Variants in TRIO observed in about 807,000 individuals in gnomAD.
TRIO encodes the protein trio Rho guanine nucleotide exchange factor, also known as triple functional domain protein.
Under a neutral mutation model 351.9 loss-of-function variants are expected in TRIO, and 58 were observed. The observed-to-expected ratio is 0.16, with a 90% CI of 0.13 to 0.21. The LOEUF (loss-of-function observed/expected upper bound fraction) is 0.21, where lower values mean the gene tolerates loss of function less well. Ranked by LOEUF, TRIO falls within the 10% of genes least tolerant of loss-of-function variation. The pLI, the probability that TRIO is intolerant of heterozygous loss-of-function variation, is 1.00. For missense variants in TRIO, 3,201 were observed against 4,027.8 expected (o/e 0.79, Z 5.56); for synonymous variants, 1,758 against 1,595.7 (o/e 1.10, Z -2.42).
intron 34 of TRIO, among the ~76,000 whole-genome samples, chr5:14,458,957 A>G (rs1285424904): frequency 6.6e-6 from 1 of 152,238 alleles, no homozygotes; most frequent in Non-Finnish European, 1.5e-5. Flanking sequence ...GAGTAAATAT[A>G]TGAGAAAATA....
intron 1 of TRIO, among the ~76,000 whole-genome samples, chr5:14,250,728 T>C (rs1005713016): frequency 1.3e-5 from 2 of 152,128 alleles, no homozygotes; most frequent in East Asian, 1.9e-4. Context: ...AACTGAATCC[T>C]CCTATGGTGC....
chr5:14,300,795 T>G (rs1737808072), intron 7 of TRIO, among the ~76,000 whole-genome samples: 1 of 152,336 alleles, frequency 6.6e-6, no homozygotes, highest in Admixed American at 6.5e-5. Context: ...GTTCCTGACA[T>G]AATAACAAAC....
At chr5:14,435,039 C>G (rs558798410) in intron 34 of TRIO, among the ~76,000 whole-genome samples, 14 of 152,348 alleles carry the variant, frequency 9.2e-5, no homozygotes, top group Admixed American at 5.9e-4. Context: ...ACAGGGTATC[C>G]TGAGACGTCT....
At position 14,419,895 on chromosome 5, in the gene TRIO, C is replaced by A; in HGVS notation, c.5077C>A (p.Pro1693Thr). 1 of 1,614,194 alleles carries A rather than the reference C, an allele frequency of 6.2e-7. No individual in the cohort carries two copies. Among genetic ancestry groups the A allele is most frequent in the Non-Finnish European group, 8.5e-7 (1 of 1,180,026 alleles). ...VEVLERPHDKPDWCLVRTTDR... is the reference protein window; with the variant it reads ...VEVLERPHDKTDWCLVRTTDR... Reference sequence around the variant, plus strand: ...AGTTCTGGAGCGGCCGCATGACAAGCCTGACTGGTGTCTGGTGCGGACAAC... The same window carrying A: ...AGTTCTGGAGCGGCCGCATGACAAGACTGACTGGTGTCTGGTGCGGACAAC... The change falls in exon 34 of 57, where the codon CCT (proline) becomes ACT (threonine). Residue 1693 changes from proline (P) to threonine (T), a missense_variant. Physicochemically the swap from Pro to Thr is conservative, Grantham distance 38. Transcript: ENST00000344204.
At chr5:14,241,252 A>C (rs965686451) in intron 1 of TRIO, among the ~76,000 whole-genome samples, 1 of 152,270 alleles carries the variant, frequency 6.6e-6, no homozygotes, top group Middle Eastern at 3.4e-3. Context: ...TATATATTCA[A>C]ATTTATAGTT....
At chr5:14,375,072 T>A (rs575423731) in intron 19 of TRIO, among the ~76,000 whole-genome samples, 1 of 152,336 alleles carries the variant, frequency 6.6e-6, no homozygotes, top group Middle Eastern at 3.4e-3. Flanking sequence ...TGGCAAAAAC[T>A]TTGTACATTA....
chr5:14,232,670 A>G (rs1206504408), intron 1 of TRIO, among the ~76,000 whole-genome samples: 1 of 152,252 alleles, frequency 6.6e-6, no homozygotes, highest in Non-Finnish European at 1.5e-5. Flanking sequence ...GAGAGGCTCT[A>G]ATAGCGAGGT....
At chr5:14,445,086 C>T (rs1191311065) in intron 34 of TRIO, among the ~76,000 whole-genome samples, 1 of 152,126 alleles carries the variant, frequency 6.6e-6, no homozygotes, top group Admixed American at 6.5e-5. Flanking sequence ...TATAGTTTTT[C>T]ATTCTGAAAA....
intron 55 of TRIO, 38 bp from the exon 56 acceptor site, chr5:14,507,084 A>C (rs1222402223): frequency 6.5e-7 from 1 of 1,540,488 alleles, no homozygotes; most frequent in African/African-American, 1.4e-5. Flanking sequence ...CTTCAAAGCA[A>C]ATCGCATCAT....
chr5:14,509,429 C>CCAT lies in TRIO; in HGVS notation c.*1009_*1011dup, dbSNP rs755718597. 1 of 470,386 alleles carries CCAT rather than the reference C, an allele frequency of 2.1e-6. No individual in the cohort carries two copies. Among genetic ancestry groups the CCAT allele is most frequent in the Non-Finnish European group, 4.3e-6 (1 of 234,200 alleles). The allele number at this position is 470,386 out of a possible 1,614,324, so 29.1% of individuals were successfully genotyped here. ...GGGTGGGTAGGGTCGTAGCCCTGTGCCATCGGTTCAAAGAGACTTTTCGTG... is the reference window on the plus strand; with the variant it reads ...GGGTGGGTAGGGTCGTAGCCCTGTGCCATCATCGGTTCAAAGAGACTTTTCGTG... On this transcript the variant is annotated 3_prime_UTR_variant, in exon 57 of 57. Transcript: ENST00000344204.
At chr5:14,395,452 G>C (rs915662494) in intron 28 of TRIO, among the ~76,000 whole-genome samples, 1 of 152,138 alleles carries the variant, frequency 6.6e-6, no homozygotes, top group Non-Finnish European at 1.5e-5. Flanking sequence ...TGTAAACCTC[G>C]CCTTACTCTG....
chr5:14,261,247 T>C lies in TRIO; in HGVS notation c.158-9578T>C, dbSNP rs181723805. On this transcript the variant is annotated intron_variant, in intron 1 of 56. Transcript: ENST00000344204. ...ACGCTTTGGCTTGGCCTACCTGTTG[T>C]ATAGTGTTTGTTGTGTACCCTTCGT... is the stretch of plus-strand genomic sequence containing the variant. 1.4e-3 allele frequency among the ~76,000 whole-genome samples: 212 copies of C among 152,312 alleles called. 1 individual carries two copies. The highest frequency in any genetic ancestry group is 1.8e-3 in the Non-Finnish European group (121 of 68,022).
intron 1 of TRIO, among the ~76,000 whole-genome samples, chr5:14,145,222 G>C (rs1008491542): frequency 1.3e-5 from 2 of 152,252 alleles, no homozygotes; most frequent in African/African-American, 4.8e-5. Flanking sequence ...GTCACGAGGA[G>C]CAATTGCAGC....
At chr5:14,435,791 C>T (rs1245713003) in intron 34 of TRIO, among the ~76,000 whole-genome samples, 1 of 152,212 alleles carries the variant, frequency 6.6e-6, no homozygotes, top group Non-Finnish European at 1.5e-5. Context: ...GAACTTCTGA[C>T]GTGCTCCCAA....
At chr5:14,264,611 C>T (rs931380165) in intron 1 of TRIO, among the ~76,000 whole-genome samples, 8 of 151,742 alleles carry the variant, frequency 5.3e-5, no homozygotes, top group Non-Finnish European at 1.2e-4. Flanking sequence ...TTGTGTCTTC[C>T]CCCCACCCTT....
intron 1 of TRIO, among the ~76,000 whole-genome samples, chr5:14,194,688 A>G (rs1790660711): frequency 6.6e-6 from 1 of 152,246 alleles, no homozygotes; most frequent in African/African-American, 2.4e-5. Flanking sequence ...GGTATGTTTA[A>G]TAGAGGAATA....
chr5:14,371,696 A>C (rs1198837009), intron 18 of TRIO, among the ~76,000 whole-genome samples: 2 of 150,174 alleles, frequency 1.3e-5, no homozygotes, highest in Non-Finnish European at 3.0e-5. Flanking sequence ...GCTGGAGTGC[A>C]CTGGTGTGAT....
intron 34 of TRIO, among the ~76,000 whole-genome samples, chr5:14,441,975 T>C (rs1174932013): frequency 1.3e-5 from 2 of 152,224 alleles, no homozygotes; most frequent in African/African-American, 4.8e-5. Context: ...GAGAGGTCGG[T>C]AAGCTTCACT....
chr5:14,296,942 G>A (rs1737412111), intron 6 of TRIO, 130 bp from the exon 7 acceptor site: 2 of 626,060 alleles, frequency 3.2e-6, no homozygotes, highest in Non-Finnish European at 5.4e-6. Flanking sequence ...TATATATCAG[G>A]TGATGCTCCT....
Sources: gnomAD v4.1 joint callset for allele counts (sites outside exome capture counted in the v4.1 genomes callset) on GRCh38, gnomAD v4.1.1 for gene constraint, MANE v1.5 for transcripts, NCBI Gene and HGNC (gene_info 2026-07-23, HGNC 2026-07-21) for gene names.